The following CHCHD6 variants were observed in gnomAD, a reference collection of about 807,000 sequenced individuals.
CHCHD6 encodes MICOS complex subunit MIC25.
In CHCHD6, 28 loss-of-function variants were observed where a neutral mutation model predicts 32.3. The ratio of observed to expected loss-of-function variants is 0.87; its 90% CI spans 0.64 to 1.19. CHCHD6 has a LOEUF of 1.19. CHCHD6 is among the 50% of genes most tolerant of loss of function. CHCHD6 has a pLI of 0.00. For synonymous variants in CHCHD6, 122 were observed against 117.5 expected (o/e 1.04, Z -0.25); for missense variants, 333 against 307.0 (o/e 1.08, Z -0.63).
intron 6 of CHCHD6, among the ~76,000 whole-genome samples, chr3:126,927,090 C>T (rs1329713626): frequency 3.3e-5 from 5 of 152,112 alleles, no homozygotes; most frequent in Non-Finnish European, 7.3e-5. Flanking sequence ...GACATTCAAG[C>T]AGAACTGAGC....
intron 4 of CHCHD6, among the ~76,000 whole-genome samples, chr3:126,761,314 C>A (rs1185749917): frequency 6.6e-6 from 1 of 152,186 alleles, no homozygotes; most frequent in Non-Finnish European, 1.5e-5. Flanking sequence ...TCTCTGTCTC[C>A]ATCTTCACAT....
chr3:126,808,308 G>T (rs948151658), intron 4 of CHCHD6, among the ~76,000 whole-genome samples: 1 of 152,098 alleles, frequency 6.6e-6, no homozygotes, highest in Non-Finnish European at 1.5e-5. Context: ...ATCTTGGAAG[G>T]GACATTCCAT....
Position 126,953,658 on chromosome 3 carries a change from G to A in CHCHD6, c.567-3758G>A, listed in dbSNP as rs1033968039. 3.3e-5 allele frequency among the ~76,000 whole-genome samples: 5 copies of A among 152,204 alleles called. No homozygotes were observed. In the East Asian group the frequency reaches 9.6e-4, roughly 29 times the overall value. On this transcript the variant is annotated intron_variant, in intron 6 of 7. Coordinates refer to ENST00000290913, the MANE Select transcript of CHCHD6 (RefSeq NM_032343.3). ...CAATGAGGAACATAAGAGCCAGTGAGGTGAGCCAACTTCCTGGGCATTGTC... is the reference window on the plus strand; with the variant it reads ...CAATGAGGAACATAAGAGCCAGTGAAGTGAGCCAACTTCCTGGGCATTGTC...
chr3:126,960,261 A>C lies in CHCHD6; in HGVS notation c.*60A>C. On this transcript the variant is annotated 3_prime_UTR_variant, in exon 8 of 8. Transcript: ENST00000290913. ...TGGAGCCCTGAAGAAGGGACCAATC[A>C]TGGGACCACAGCCACTGTGCCCTGC... The C allele has an allele frequency of 6.5e-7, 1 of 1,546,106 alleles. No homozygotes were observed. The highest frequency in any genetic ancestry group is 1.4e-5 in the African/African-American group (1 of 73,058).
At chr3:126,736,995 T>A (rs573910960) in intron 4 of CHCHD6, among the ~76,000 whole-genome samples, 2 of 152,122 alleles carry the variant, frequency 1.3e-5, no homozygotes, top group Non-Finnish European at 2.9e-5. Context: ...TATTATTAGG[T>A]ATGTAATAAC....
chr3:126,778,511 C>G (rs1010646562), intron 4 of CHCHD6, among the ~76,000 whole-genome samples: 4 of 152,184 alleles, frequency 2.6e-5, no homozygotes, highest in Non-Finnish European at 4.4e-5. Flanking sequence ...TTCTTAATGG[C>G]TAATGATGTT....
At chr3:126,931,606 C>A (rs2107598797) in intron 6 of CHCHD6, among the ~76,000 whole-genome samples, 1 of 152,274 alleles carries the variant, frequency 6.6e-6, no homozygotes, top group African/African-American at 2.4e-5. Flanking sequence ...CTGAGTCTGC[C>A]CCCCAGGTCA....
intron 5 of CHCHD6, among the ~76,000 whole-genome samples, chr3:126,905,674 G>A (rs996338260): frequency 6.6e-6 from 1 of 152,116 alleles, no homozygotes; most frequent in African/African-American, 2.4e-5. Flanking sequence ...GGTGTGTGAG[G>A]TGCGTCCTTG....
At chr3:126,902,482 C>T (rs181922111) in intron 5 of CHCHD6, among the ~76,000 whole-genome samples, 12 of 152,034 alleles carry the variant, frequency 7.9e-5, no homozygotes, top group South Asian at 2.1e-4. Flanking sequence ...TTTGGGAGGC[C>T]GAGGCGGGCA....
chr3:126,871,931 C>T (rs1196450718), intron 5 of CHCHD6, among the ~76,000 whole-genome samples: 3 of 152,138 alleles, frequency 2.0e-5, no homozygotes, highest in Non-Finnish European at 2.9e-5. Context: ...TCCCAAAGTG[C>T]TGGGATCACA....
chr3:126,943,071 A>G (rs1429844751), intron 6 of CHCHD6, among the ~76,000 whole-genome samples: 3 of 152,184 alleles, frequency 2.0e-5, no homozygotes, highest in Non-Finnish European at 4.4e-5. Flanking sequence ...TATTTGCTCA[A>G]TCAGTGAACT....
intron 5 of CHCHD6, among the ~76,000 whole-genome samples, chr3:126,906,290 A>G (rs1456896277): frequency 2.6e-5 from 4 of 152,160 alleles, no homozygotes; most frequent in African/African-American, 7.2e-5. Flanking sequence ...CCAGGCCTCC[A>G]GGCCTCCAGG....
chr3:126,754,163 A>G (rs1005994543), intron 4 of CHCHD6, among the ~76,000 whole-genome samples: 2 of 152,182 alleles, frequency 1.3e-5, no homozygotes, highest in East Asian at 1.9e-4. Context: ...CAGGTAGTAG[A>G]AAAGGTTAAA....
intron 4 of CHCHD6, chr3:126,780,411 C>T (rs770990572): frequency 4.2e-5 from 16 of 383,912 alleles, no homozygotes; most frequent in Middle Eastern, 3.5e-4. Flanking sequence ...ATCTTCCAGC[C>T]GCCTGGCTCC....
At chr3:126,870,517 C>T (rs552106803) in intron 5 of CHCHD6, among the ~76,000 whole-genome samples, 6 of 152,332 alleles carry the variant, frequency 3.9e-5, no homozygotes, top group South Asian at 4.1e-4. Flanking sequence ...CCATCCTTCA[C>T]GTCCTGGTGC....
intron 5 of CHCHD6, among the ~76,000 whole-genome samples, chr3:126,859,917 G>A (rs1374823364): frequency 6.6e-6 from 1 of 152,214 alleles, no homozygotes; most frequent in Non-Finnish European, 1.5e-5. Flanking sequence ...TGTTGAGGAT[G>A]CATGTCCTGC....
At chr3:126,806,884 T>A (rs1465339836) in intron 4 of CHCHD6, among the ~76,000 whole-genome samples, 1 of 151,950 alleles carries the variant, frequency 6.6e-6, no homozygotes, top group Non-Finnish European at 1.5e-5. Context: ...AATGATGAGT[T>A]CATGTCCTTT....
intron 4 of CHCHD6, among the ~76,000 whole-genome samples, chr3:126,794,464 T>G (rs993974304): frequency 6.7e-6 from 1 of 149,976 alleles, no homozygotes; most frequent in Admixed American, 6.7e-5. Flanking sequence ...TACATTTATT[T>G]GTATAAGTTT....
intron 4 of CHCHD6, among the ~76,000 whole-genome samples, chr3:126,776,632 A>T (rs181081439): frequency 6.6e-6 from 1 of 152,328 alleles, no homozygotes; most frequent in East Asian, 1.9e-4. Flanking sequence ...ATTGATAGCA[A>T]CAACAGCAAT....
Sources: allele counts gnomAD v4.1 joint callset (sites outside exome capture counted in the v4.1 genomes callset), GRCh38; gene constraint gnomAD v4.1.1; transcripts MANE v1.5; gene names NCBI Gene and HGNC (gene_info 2026-07-23, HGNC 2026-07-21).